Variants in ZSWIM9 observed in about 807,000 individuals in gnomAD.
ZSWIM9 encodes the protein zinc finger SWIM-type containing 9.
Under a neutral mutation model 25.0 loss-of-function variants are expected in ZSWIM9, and 11 were observed. The ratio of observed to expected loss-of-function variants is 0.44; its 90% confidence interval spans 0.28 to 0.73. ZSWIM9 has a LOEUF of 0.73. ZSWIM9 is among the 30% of genes least tolerant of loss of function. The probability of loss-of-function intolerance (pLI) is 0.16; values close to 1 mark genes in which losing one functional copy is unlikely to be tolerated. For missense variants in ZSWIM9, 1,070 were observed against 1,296.5 expected (o/e 0.83, Z 2.68); for synonymous variants, 562 against 582.1 (o/e 0.97, Z 0.50).
Position 48,195,316 on chromosome 19 carries a change from AG to A in ZSWIM9, c.1253del (p.Ser418ThrfsTer52), listed in dbSNP as rs1464241610. On this transcript the variant is annotated frameshift_variant, in exon 4 of 4. Transcript: ENST00000614654. LOFTEE classifies it low-confidence loss of function (END_TRUNC). This position sits in a 1 kb window ranked among gnomAD's most constrained non-coding sequence, Gnocchi z 5.8. The stretch of plus-strand genomic sequence containing the variant: ...CCGCCGGCGACTGCTGCGTCGTCTC[AG>A]CCCCTCGCGTGGCGTGGCGCAGTGC... ...GHRRRLLRRLSPSRGVAQCLR... is the reference protein window; with the variant it reads ...GHRRRLLRRLXPSRGVAQCLR... The A allele has an allele frequency of 6.5e-7, 1 of 1,530,536 alleles. No homozygotes were observed. The highest frequency in any genetic ancestry group is 8.7e-7 in the Non-Finnish European group (1 of 1,144,770). 94.8% of individuals were successfully genotyped at this position (1,530,536 alleles called of 1,614,324 possible). A position where few individuals can be genotyped will look rare whatever the true frequency, so the allele number is the denominator to read the frequency against.
At position 48,194,563 on chromosome 19, in the gene ZSWIM9, C is replaced by T; in HGVS notation, c.589-90C>T. ...AAGAATGAATGGGTGGTCCCATTTC[C>T]GTAGAAGGGGAAACCGAGGTCGGGG... On this transcript the variant is annotated intron_variant, in intron 3 of 3. Coordinates refer to ENST00000614654, the MANE Select transcript of ZSWIM9 (RefSeq NM_199341.4). This position sits in a 1 kb window ranked among gnomAD's most constrained non-coding sequence, Gnocchi z 6.0. The T allele has an allele frequency of 1.5e-6, 2 of 1,292,302 alleles. No individual in the cohort carries two copies. The highest frequency in any genetic ancestry group is 1.8e-5 in the South Asian group (1 of 54,422). The allele number at this position is 1,292,302 out of a possible 1,614,324, so 80.1% of individuals were successfully genotyped here.
Position 48,182,698 on chromosome 19 carries a change from C to G in ZSWIM9, c.519C>G (p.Gly173=), listed in dbSNP as rs1172196894. Residue 173 remains glycine (G), a synonymous_variant, in exon 3 of 4, where the codon GGC becomes GGG. Coordinates refer to ENST00000614654, the MANE Select transcript of ZSWIM9 (RefSeq NM_199341.4). The surrounding 1 kb of genome is among the most constrained non-coding windows in gnomAD (Gnocchi z 4.6). ...DVRRLLSYCK[G]RDHGVLDALH... ...GCCGCCTGCTGTCCTACTGCAAGGG[C>G]CGCGACCACGGCGTCCTGGACGCCC... 6.5e-7 allele frequency: 1 copy of G among 1,535,450 alleles called. No homozygotes were observed. The highest frequency in any genetic ancestry group is 1.4e-5 in the African/African-American group (1 of 73,028).
intron 3 of ZSWIM9, among the ~76,000 whole-genome samples, chr19:48,193,846 C>T (rs114748520): frequency 0.021 from 3,224 of 152,228 alleles, 116 homozygotes; most frequent in African/African-American, 0.071. Context: ...CATCACTTTA[C>T]AAATGAAAGG....
Position 48,196,565 on chromosome 19 carries a change from T to G in ZSWIM9, c.2501T>G (p.Leu834Arg), listed in dbSNP as rs1187009100. 8.1e-7 allele frequency: 1 copy of G among 1,232,424 alleles called. No individual in the cohort carries two copies. Among genetic ancestry groups the G allele is most frequent in the Non-Finnish European group, 1.0e-6 (1 of 988,368 alleles). 76.3% of individuals were successfully genotyped at this position (1,232,424 alleles called of 1,614,324 possible). A position where few individuals can be genotyped will look rare whatever the true frequency, so the allele number is the denominator to read the frequency against. Residue 834 changes from leucine to arginine, a missense_variant, in exon 4 of 4, where the codon CTG (leucine) becomes CGG (arginine). This residue lies in a region of ZSWIM9 where 583 missense variants were observed against 624.7 expected (regional missense o/e 0.93). Coordinates refer to ENST00000614654, the MANE Select transcript of ZSWIM9 (RefSeq NM_199341.4). The stretch of plus-strand genomic sequence containing the variant: ...TTCCGAGCAGCCTGCGGGCCAGAGC[T>G]GGCAGACCTGGTGGCTGAGGAGTTG... Reference protein sequence around the residue: ...AKFRAACGPELADLVAEELAF... With the variant: ...AKFRAACGPERADLVAEELAF...
rs182277793 is a variant in ZSWIM9 at position 48,176,927 on chromosome 19, T to C, written c.275+4850T>C. Among the ~76,000 whole-genome samples the C allele has an allele frequency of 1.7e-4, 25 of 151,002 alleles. No individual in the cohort carries two copies. In the East Asian group the frequency reaches 4.5e-3, roughly 27 times the overall value. On this transcript the variant is annotated intron_variant, in intron 2 of 3. Transcript: ENST00000614654. ...AAAATAAAAATTAAAAAAAAAAAAT[T>C]AGCTGGGTGTGGCGGCGTGTACCTG...
intron 2 of ZSWIM9, among the ~76,000 whole-genome samples, chr19:48,179,937 C>T (rs1482731340): frequency 1.3e-5 from 2 of 152,170 alleles, no homozygotes; most frequent in African/African-American, 2.4e-5. Flanking sequence ...TCTGGAGGCT[C>T]TAAGGAGAAT....
At chr19:48,189,037 A>C (rs950705724) in intron 3 of ZSWIM9, among the ~76,000 whole-genome samples, 1 of 152,058 alleles carries the variant, frequency 6.6e-6, no homozygotes, top group African/African-American at 2.4e-5. Context: ...TCTCAAAAAA[A>C]AAGAATACTC....
rs1266552576 is a variant in ZSWIM9, at chr19:48,191,125, T to TGTGC, written c.589-3527_589-3526insTGCG. Among the ~76,000 whole-genome samples, 8 of 150,896 alleles carry TGTGC rather than the reference T, an allele frequency of 5.3e-5. No homozygotes were observed. The South Asian group carries it at 1.0e-3, about 20-fold the overall frequency. ...GTGTGTGTGTGTGTGTGTGTGTGTGTGCAGAATGGGTAGAACCGTGCCCAG... is the reference window on the plus strand; with the variant it reads ...GTGTGTGTGTGTGTGTGTGTGTGTGTGTGCGCAGAATGGGTAGAACCGTGCCCAG... On this transcript the variant is annotated intron_variant, in intron 3 of 3. Coordinates refer to ENST00000614654, the MANE Select transcript of ZSWIM9 (RefSeq NM_199341.4).
chr19:48,178,476 G>A (rs2036915418), intron 2 of ZSWIM9, among the ~76,000 whole-genome samples: 1 of 152,098 alleles, frequency 6.6e-6, no homozygotes, highest in African/African-American at 2.4e-5. Flanking sequence ...TACTACCTGG[G>A]AGCCAGGGTT....
rs1235636285 is a variant in ZSWIM9 at position 48,182,468 on chromosome 19, G to A, written c.289G>A (p.Gly97Ser). 1.0e-5 allele frequency: 16 copies of A among 1,533,562 alleles called. No homozygotes were observed. Among genetic ancestry groups the A allele is most frequent in the African/African-American group, 6.9e-5 (5 of 72,868 alleles). The allele number at this position is 1,533,562 out of a possible 1,614,324, so 95.0% of individuals were successfully genotyped here. The change falls in exon 3 of 4, where the codon GGC becomes AGC. Residue 97 changes from glycine to serine, a missense_variant. By Grantham distance (56) the Gly-to-Ser change is moderately conservative. This residue lies in a region of ZSWIM9 where 265 missense variants were observed against 339.0 expected (regional missense o/e 0.78). Transcript: ENST00000614654. This position sits in a 1 kb window ranked among gnomAD's most constrained non-coding sequence, Gnocchi z 4.6. ...TTCCTCCCACAGGCCTCCCCAGCCC[G>A]GCTGCCCCGCCTTCATCATCGTCAA... ...SRPAVGPPQP[G>S]CPAFIIVKLS...
chr19:48,192,478 A>T (rs375463720), intron 3 of ZSWIM9, among the ~76,000 whole-genome samples: 5,233 of 19,804 alleles, frequency 0.26, 812 homozygotes, highest in East Asian at 0.34. Context: ...AAAAAAAAAA[A>T]AAATATATAT....
intron 2 of ZSWIM9, among the ~76,000 whole-genome samples, chr19:48,173,555 C>T (rs1173073387): frequency 2.6e-5 from 4 of 150,950 alleles, no homozygotes. Context: ...GTGATCTGCC[C>T]ACCTCGGCCT....
In ZSWIM9 at chr19:48,195,971, G is replaced by A. The variant is rs2037159247; in HGVS notation, c.1907G>A (p.Arg636Lys). ...PWRGAQLHDE[R>K]AGGLRTAEWK... The stretch of plus-strand genomic sequence containing the variant: ...AGGGGGGCGCAGCTGCACGATGAAA[G>A]GGCAGGGGGACTGAGAACTGCAGAA... The change falls in exon 4 of 4, where the codon AGG becomes AAG. Residue 636 changes from arginine (R) to lysine (K), a missense_variant. Arg to Lys is a conservative substitution (Grantham distance 26, BLOSUM62 2). Around this residue, in one of 4 missense-constraint regions of ZSWIM9, gnomAD observed 583 missense variants for 624.7 expected, o/e 0.93. Coordinates refer to ENST00000614654, the MANE Select transcript of ZSWIM9 (RefSeq NM_199341.4). This position sits in a 1 kb window ranked among gnomAD's most constrained non-coding sequence, Gnocchi z 5.8. 1 of 1,313,710 alleles carries A rather than the reference G, an allele frequency of 7.6e-7. No individual in the cohort carries two copies. The allele number at this position is 1,313,710 out of a possible 1,614,324, so 81.4% of individuals were successfully genotyped here. A position where few individuals can be genotyped will look rare whatever the true frequency, so the allele number is the denominator to read the frequency against.
In ZSWIM9 at chr19:48,194,002, G is replaced by A. The variant is rs1339346759; in HGVS notation, c.589-651G>A. On this transcript the variant is annotated intron_variant, in intron 3 of 3. Transcript: ENST00000614654. This position sits in a 1 kb window ranked among gnomAD's most constrained non-coding sequence, Gnocchi z 6.0. ...AGAAATGAATGTTCAGTGCCTAGAA[G>A]GGATAATCAGGGAATATGGAGGTTA... is the stretch of plus-strand genomic sequence containing the variant. 6.6e-6 allele frequency among the ~76,000 whole-genome samples: 1 copy of A among 152,150 alleles called. No individual in the cohort carries two copies. Among genetic ancestry groups the A allele is most frequent in the African/African-American group, 2.4e-5 (1 of 41,426 alleles).
chr19:48,171,662 C>T (rs2123159688), intron 1 of ZSWIM9, 132 bp from the exon 2 acceptor site: 1 of 861,550 alleles, frequency 1.2e-6, no homozygotes. Flanking sequence ...GAAAAACAGG[C>T]ACGTCCGACC....
At position 48,195,796 on chromosome 19, in the gene ZSWIM9, A is replaced by AG; in HGVS notation, c.1737dup (p.Ser580ValfsTer36). 1.3e-6 allele frequency: 2 copies of AG among 1,495,566 alleles called. No homozygotes were observed. Among genetic ancestry groups the AG allele is most frequent in the East Asian group, 2.6e-5 (1 of 38,832 alleles). 92.6% of individuals were successfully genotyped at this position (1,495,566 alleles called of 1,614,324 possible). On this transcript the variant is annotated frameshift_variant, in exon 4 of 4. Coordinates refer to ENST00000614654, the MANE Select transcript of ZSWIM9 (RefSeq NM_199341.4). LOFTEE classifies it low-confidence loss of function (END_TRUNC). The surrounding 1 kb of genome is among the most constrained non-coding windows in gnomAD (Gnocchi z 5.8). ...TTGGGGACTGGAAGGTTATGTCTGGAGGGGGTCCCAGTTGGAGGACCAGGC... is the reference window on the plus strand; with the variant it reads ...TTGGGGACTGGAAGGTTATGTCTGGAGGGGGGTCCCAGTTGGAGGACCAGGC...
chr19:48,171,004 G>T (rs1422968800), intron 1 of ZSWIM9, among the ~76,000 whole-genome samples: 1 of 152,110 alleles, frequency 6.6e-6, no homozygotes, highest in Non-Finnish European at 1.5e-5. Flanking sequence ...ACTGGGGGCC[G>T]CATCTGAGGA....
At position 48,182,536 on chromosome 19, in the gene ZSWIM9, G is replaced by A; in HGVS notation, c.357G>A (p.Gln119=). The change falls in exon 3 of 4, where the codon CAG becomes CAA. Residue 119 remains glutamine, a synonymous_variant. Coordinates refer to ENST00000614654, the MANE Select transcript of ZSWIM9 (RefSeq NM_199341.4). The surrounding 1 kb of genome is among the most constrained non-coding windows in gnomAD (Gnocchi z 4.6). ...LRDRLVVTEC[Q]LTHSHPACPL... is the part of the protein sequence containing the mutation. The stretch of plus-strand genomic sequence containing the variant: ...ACCGCCTCGTGGTGACGGAGTGCCA[G>A]CTGACCCACTCACACCCGGCCTGCC... 1 of 1,535,912 alleles carries A rather than the reference G, an allele frequency of 6.5e-7. No individual in the cohort carries two copies. Among genetic ancestry groups the A allele is most frequent in the African/African-American group, 1.4e-5 (1 of 73,156 alleles).
Position 48,171,867 on chromosome 19 carries a change from G to A in ZSWIM9, c.65G>A (p.Arg22Gln), listed in dbSNP as rs1443030448. ...CAGGAGGAGCAGGAGCTGCGGGAGC[G>A]GGCCTTCTTCTCGTGGGCCGAGTTC... Reference protein sequence around the residue: ...AGQEEQELRERAFFSWAEFSR... With the variant: ...AGQEEQELREQAFFSWAEFSR... Residue 22 changes from arginine (R) to glutamine (Q), a missense_variant, in exon 2 of 4, where the codon CGG becomes CAG. This residue lies in a region of ZSWIM9 where 265 missense variants were observed against 339.0 expected (regional missense o/e 0.78). Coordinates refer to ENST00000614654, the MANE Select transcript of ZSWIM9 (RefSeq NM_199341.4). The A allele has an allele frequency of 6.5e-7, 1 of 1,535,464 alleles. No homozygotes were observed. Among genetic ancestry groups the A allele is most frequent in the Non-Finnish European group, 8.7e-7 (1 of 1,146,622 alleles).
Sources: allele counts gnomAD v4.1 joint callset (sites outside exome capture counted in the v4.1 genomes callset), GRCh38; gene constraint gnomAD v4.1.1; regional missense constraint gnomAD v4.1.1; non-coding constraint Gnocchi (gnomAD v3.1); transcripts MANE v1.5; gene names NCBI Gene and HGNC (gene_info 2026-07-23, HGNC 2026-07-21).